Variants in PANK3 observed in about 807,000 individuals in gnomAD.
PANK3 encodes the protein hPanK3.
Under a neutral mutation model 39.4 loss-of-function variants are expected in PANK3, and 20 were observed. That is an observed-to-expected ratio of 0.51 (90% CI 0.36 to 0.74). The LOEUF is 0.74. PANK3 is among the 30% of genes least tolerant of loss of function. The pLI is 0.00. For missense variants in PANK3, 265 were observed against 437.0 expected (o/e 0.61, Z 3.51); for synonymous variants, 140 against 157.3 (o/e 0.89, Z 0.82).
intron 1 of PANK3, among the ~76,000 whole-genome samples, chr5:168,572,941 G>A (rs1344203901): frequency 6.6e-6 from 1 of 152,060 alleles, no homozygotes; most frequent in Non-Finnish European, 1.5e-5. Context: ...GGTAAGGGGT[G>A]ATATTGTGGG....
At chr5:168,571,858 C>G (rs1759636615) in intron 1 of PANK3, among the ~76,000 whole-genome samples, 1 of 152,076 alleles carries the variant, frequency 6.6e-6, no homozygotes, top group Non-Finnish European at 1.5e-5. Context: ...AATTAGAGAT[C>G]TGGAGCTACA....
In PANK3 at chr5:168,557,322, T is replaced by TA. The variant is rs2113103353; in HGVS notation, c.*248dup. ...GCTACATAAAATAAAAAAATCTTTT[T>TA]AAGAGGAAGCTCAATAATCAGAGGC... On this transcript the variant is annotated 3_prime_UTR_variant, in exon 7 of 7. Coordinates refer to ENST00000239231, the MANE Select transcript of PANK3 (RefSeq NM_024594.4). 2.1e-6 allele frequency: 1 copy of TA among 484,918 alleles called. No individual in the cohort carries two copies. Among genetic ancestry groups the TA allele is most frequent in the African/African-American group, 1.9e-5 (1 of 51,774 alleles). The allele number at this position is 484,918 out of a possible 1,614,324, so 30.0% of individuals were successfully genotyped here. A position where few individuals can be genotyped will look rare whatever the true frequency, so the allele number is the denominator to read the frequency against.
intron 1 of PANK3, among the ~76,000 whole-genome samples, chr5:168,572,802 G>A (rs943187919): frequency 6.6e-6 from 1 of 152,084 alleles, no homozygotes; most frequent in Admixed American, 6.5e-5. Context: ...GTGAAGTGTT[G>A]GAGCAGCAAA....
Position 168,552,732 on chromosome 5 carries a change from T to C in PANK3, c.*4839A>G, listed in dbSNP as rs1207686654. On this transcript the variant is annotated 3_prime_UTR_variant, in exon 7 of 7. Transcript: ENST00000239231. ...AAACGCCATGCCTCAAGACCTATCA[T>C]ATGTAAAGTCCTTCCTGCCCTTTCA... 5.5e-6 allele frequency: 1 copy of C among 181,396 alleles called. No homozygotes were observed. Among genetic ancestry groups the C allele is most frequent in the Non-Finnish European group, 1.3e-5 (1 of 78,102 alleles). The allele number at this position is 181,396 out of a possible 1,614,324, so 11.2% of individuals were successfully genotyped here. A position where few individuals can be genotyped will look rare whatever the true frequency, so the allele number is the denominator to read the frequency against.
rs1339496358 is a variant in PANK3, at chr5:168,548,899, T to C, written c.*8672A>G. ...ATTCAGTGTTAAAAGAATTCAGACA[T>C]GATAAAGCTTAGACTTGACAAGAAT... On this transcript the variant is annotated 3_prime_UTR_variant, in exon 7 of 7. Transcript: ENST00000239231. 1 of 152,164 alleles carries C rather than the reference T, an allele frequency of 6.6e-6. No homozygotes were observed. Among genetic ancestry groups the C allele is most frequent in the East Asian group, 1.9e-4 (1 of 5,194 alleles). The allele number at this position is 152,164 out of a possible 1,614,324, so 9.4% of individuals were successfully genotyped here. A position where few individuals can be genotyped will look rare whatever the true frequency, so the allele number is the denominator to read the frequency against.
intron 4 of PANK3, 111 bp downstream of exon 4, chr5:168,563,778 C>G: frequency 1.1e-6 from 1 of 909,988 alleles, no homozygotes; most frequent in Non-Finnish European, 1.5e-6. Context: ...GGAACCTAAA[C>G]TGGATAAGAG....
intron 1 of PANK3, among the ~76,000 whole-genome samples, chr5:168,572,976 A>G (rs1460974133): frequency 6.6e-6 from 1 of 152,084 alleles, no homozygotes; most frequent in African/African-American, 2.4e-5. Context: ...CATTTGTTGT[A>G]TAGAATGATT....
Position 168,559,164 on chromosome 5 carries a change from G to C in PANK3, c.937-7C>G, listed in dbSNP as rs1759402550. 1 of 1,482,440 alleles carries C rather than the reference G, an allele frequency of 6.7e-7. No homozygotes were observed. The highest frequency in any genetic ancestry group is 1.4e-5 in the African/African-American group (1 of 70,502). The allele number at this position is 1,482,440 out of a possible 1,614,324, so 91.8% of individuals were successfully genotyped here. On this transcript the variant is annotated splice_polypyrimidine_tract_variant and splice_region_variant and intron_variant, in intron 5 of 6. Transcript: ENST00000239231. ...AGACAACTCTGTTTATTTTCTAAAA[G>C]AAAAGAACAAAGAAAAAACTTGTAA... is the stretch of plus-strand genomic sequence containing the variant.
chr5:168,565,045 C>T (rs1446734518), intron 3 of PANK3, among the ~76,000 whole-genome samples: 6 of 152,172 alleles, frequency 3.9e-5, no homozygotes, highest in Non-Finnish European at 7.3e-5. Context: ...AGTTAACAGA[C>T]TGAACTTCTT....
intron 4 of PANK3, 90 bp downstream of exon 4, chr5:168,563,799 T>C (rs928937715): frequency 4.9e-6 from 6 of 1,214,692 alleles, no homozygotes. Context: ...AAAGCACCCT[T>C]ACAACTTTCT....
chr5:168,572,297 A>G (rs1759651432), intron 1 of PANK3, among the ~76,000 whole-genome samples: 1 of 151,992 alleles, frequency 6.6e-6, no homozygotes, highest in African/African-American at 2.4e-5. Flanking sequence ...TATTTTTAGT[A>G]AAGAAGGGGT....
At chr5:168,574,617 T>C (rs1202800093) in intron 1 of PANK3, among the ~76,000 whole-genome samples, 1 of 152,138 alleles carries the variant, frequency 6.6e-6, no homozygotes, top group East Asian at 1.9e-4. Flanking sequence ...ATCCTAGCAC[T>C]ATGGGAGGCC....
chr5:168,562,828 G>A (rs1759467877), intron 4 of PANK3, among the ~76,000 whole-genome samples: 1 of 152,062 alleles, frequency 6.6e-6, no homozygotes, highest in Admixed American at 6.6e-5. Flanking sequence ...TGTTTGCCAA[G>A]TTCATACAGA....
intron 1 of PANK3, among the ~76,000 whole-genome samples, chr5:168,578,241 T>G (rs145285830): frequency 6.6e-6 from 1 of 152,244 alleles, no homozygotes; most frequent in African/African-American, 2.4e-5. Context: ...CTTACAGTTA[T>G]ATAGGAATTT....
In PANK3 at chr5:168,561,465, A is replaced by ATATC. The variant is rs1221206850; in HGVS notation, c.863_864insGATA (p.Asp288GlufsTer14). The ATATC allele has an allele frequency of 3.1e-6, 5 of 1,603,902 alleles. No homozygotes were observed. The highest frequency in any genetic ancestry group is 4.3e-6 in the Non-Finnish European group (5 of 1,174,806). ...TAGTAACTAAAGTAGCTCTTGCCAG[A>ATATC]TCTTCTTTACTAACAGATTCTCGCT... On this transcript the variant is annotated frameshift_variant, in exon 5 of 7. Transcript: ENST00000239231. LOFTEE classifies it high-confidence loss of function.
At position 168,549,350 on chromosome 5, in the gene PANK3, C is replaced by T. The variant is rs1019167674; in HGVS notation, c.*8221G>A. On this transcript the variant is annotated 3_prime_UTR_variant, in exon 7 of 7. Transcript: ENST00000239231. The stretch of plus-strand genomic sequence containing the variant: ...CTATTGACTGAGCCAGGTACAACAT[C>T]GATGAAATTCAGACATACAATGTAA... 9 of 151,986 alleles carry T rather than the reference C, an allele frequency of 5.9e-5. No homozygotes were observed. The highest frequency in any genetic ancestry group is 3.2e-3 in the Middle Eastern group (1 of 316). 9.4% of individuals were successfully genotyped at this position (151,986 alleles called of 1,614,324 possible).
intron 6 of PANK3, among the ~76,000 whole-genome samples, chr5:168,557,920 G>A (rs777641333): frequency 1.3e-5 from 2 of 152,072 alleles, no homozygotes; most frequent in Non-Finnish European, 2.9e-5. Flanking sequence ...TCAGCCTCTT[G>A]AATAGCTGGG....
At chr5:168,574,004 A>G (rs1410779049) in intron 1 of PANK3, among the ~76,000 whole-genome samples, 2 of 151,824 alleles carry the variant, frequency 1.3e-5, no homozygotes, top group Non-Finnish European at 2.9e-5. Context: ...TTATAGCAGC[A>G]TGATTTATAG....
In PANK3 at chr5:168,579,237, GC is replaced by G; in HGVS notation, c.28+18del. On this transcript the variant is annotated intron_variant, in intron 1 of 6. Coordinates refer to ENST00000239231, the MANE Select transcript of PANK3 (RefSeq NM_024594.4). ...CAAGGGTGCCCTCCCAACCTGGCGG[GC>G]CCCAGCCCCCGTCTTACAGGGTTTC... The G allele has an allele frequency of 3.4e-6, 5 of 1,485,460 alleles. No individual in the cohort carries two copies. The highest frequency in any genetic ancestry group is 2.5e-5 in the Admixed American group (1 of 40,352). 92.0% of individuals were successfully genotyped at this position (1,485,460 alleles called of 1,614,324 possible).
Sources: gnomAD v4.1 joint callset for allele counts (sites outside exome capture counted in the v4.1 genomes callset) on GRCh38, gnomAD v4.1.1 for gene constraint, MANE v1.5 for transcripts, NCBI Gene and HGNC (gene_info 2026-07-23, HGNC 2026-07-21) for gene names.